The following RBFOX1 variants were observed in gnomAD, a reference collection of about 807,000 sequenced individuals.
The protein encoded by RBFOX1 is RNA binding fox-1 homolog 1, also known as RNA binding protein fox-1 homolog 1.
In RBFOX1, 8 loss-of-function variants were observed where a neutral mutation model predicts 57.7. That is an observed-to-expected ratio of 0.14 (90% CI 0.08 to 0.25). The LOEUF is 0.25. Ranked by LOEUF, RBFOX1 falls within the 10% of genes least tolerant of loss-of-function variation. The probability of loss-of-function intolerance (pLI) is 1.00; values close to 1 mark genes in which losing one functional copy is unlikely to be tolerated. For missense variants in RBFOX1, 611 were observed against 548.5 expected, an observed-to-expected ratio of 1.11 and a Z score of -1.14; for synonymous variants, 326 against 222.4, an observed-to-expected ratio of 1.47 and a Z score of -4.15.
chr16:7,089,844 G>A (rs1205981988), intron 4 of RBFOX1, among the ~76,000 whole-genome samples: 1 of 151,972 alleles, frequency 6.6e-6, no homozygotes. Flanking sequence ...TTGAAAAATG[G>A]GCACTACCTT....
chr16:6,279,917 G>A (rs570407430), intron 1 of RBFOX1, among the ~76,000 whole-genome samples: 2 of 151,948 alleles, frequency 1.3e-5, no homozygotes, highest in South Asian at 4.2e-4. Context: ...GATCTGGAAG[G>A]GAAAGTAAAT....
At chr16:6,192,259 T>C (rs1598239034) in intron 1 of RBFOX1, among the ~76,000 whole-genome samples, 1 of 152,284 alleles carries the variant, frequency 6.6e-6, no homozygotes, top group South Asian at 2.1e-4. Context: ...TACCCTATTA[T>C]CTGTAGGGTG....
chr16:6,455,173 G>A (rs9937654), intron 2 of RBFOX1, among the ~76,000 whole-genome samples: 121,036 of 151,598 alleles, frequency 0.8, 48,433 homozygotes, highest in Middle Eastern at 0.87. Flanking sequence ...GATTACAGGC[G>A]TGAGCCGCCA....
At chr16:5,690,477 C>T (rs1425254426) in intron 3 of RBFOX1, among the ~76,000 whole-genome samples, 2 of 152,154 alleles carry the variant, frequency 1.3e-5, no homozygotes, top group Non-Finnish European at 2.9e-5. Context: ...GGACAAAATA[C>T]TGCCCGTAAC....
chr16:6,757,003 C>G (rs2075898896), intron 3 of RBFOX1, among the ~76,000 whole-genome samples: 3 of 142,816 alleles, frequency 2.1e-5, no homozygotes, highest in Non-Finnish European at 3.0e-5. Context: ...AACAAACAAA[C>G]AAACAAACAA....
chr16:7,134,650 A>G (rs1226278288), intron 4 of RBFOX1, among the ~76,000 whole-genome samples: 4 of 152,208 alleles, frequency 2.6e-5, no homozygotes, highest in Admixed American at 6.5e-5. Context: ...GAAGAAAAGA[A>G]TTCCGTCAGC....
chr16:6,664,538 T>G (rs754900189), intron 3 of RBFOX1, among the ~76,000 whole-genome samples: 1 of 152,182 alleles, frequency 6.6e-6, no homozygotes, highest in Non-Finnish European at 1.5e-5. Flanking sequence ...GTAGATCTCA[T>G]TGTGTCCTTT....
chr16:7,000,089 G>T (rs923951441), intron 3 of RBFOX1, among the ~76,000 whole-genome samples: 3 of 128,376 alleles, frequency 2.3e-5, no homozygotes, highest in African/African-American at 8.4e-5. Flanking sequence ...AAAAAAAAAA[G>T]ATTATTTAAG....
At chr16:6,797,888 A>T (rs1482687151) in intron 3 of RBFOX1, among the ~76,000 whole-genome samples, 3 of 152,132 alleles carry the variant, frequency 2.0e-5, no homozygotes, top group African/African-American at 4.8e-5. Context: ...TAGCTAGCTG[A>T]CTTTTGGAAA....
At chr16:6,825,549 A>G (rs1019941398) in intron 3 of RBFOX1, among the ~76,000 whole-genome samples, 9 of 152,292 alleles carry the variant, frequency 5.9e-5, no homozygotes, top group African/African-American at 1.4e-4. Context: ...TTGAAGGTCC[A>G]GGTACCTACG....
intron 3 of RBFOX1, among the ~76,000 whole-genome samples, chr16:6,860,423 T>C (rs983058781): frequency 6.6e-6 from 1 of 152,220 alleles, no homozygotes; most frequent in Non-Finnish European, 1.5e-5. Context: ...CACTACACGT[T>C]GGCTAAGACG....
At chr16:6,439,435 G>A (rs1014298031) in intron 2 of RBFOX1, among the ~76,000 whole-genome samples, 4 of 152,162 alleles carry the variant, frequency 2.6e-5, no homozygotes, top group Non-Finnish European at 5.9e-5. Context: ...CTTAGCTCAG[G>A]CCTAGGTGAA....
At chr16:5,801,619 C>G (rs2055059406) in intron 3 of RBFOX1, among the ~76,000 whole-genome samples, 1 of 152,030 alleles carries the variant, frequency 6.6e-6, no homozygotes, top group Non-Finnish European at 1.5e-5. Context: ...ACTAGGCACA[C>G]ACAAAAAAAT....
chr16:6,894,635 C>G (rs919298429), intron 3 of RBFOX1, among the ~76,000 whole-genome samples: 7 of 152,166 alleles, frequency 4.6e-5, no homozygotes, highest in Non-Finnish European at 1.0e-4. Context: ...CTGACACTTT[C>G]TCTCACTTTA....
chr16:5,645,642 G>C (rs958841898), intron 3 of RBFOX1, among the ~76,000 whole-genome samples: 1 of 152,174 alleles, frequency 6.6e-6, no homozygotes, highest in Non-Finnish European at 1.5e-5. Flanking sequence ...GAAAGATTCT[G>C]TGTGTGCTTT....
chr16:5,767,322 T>C (rs962031946), intron 3 of RBFOX1, among the ~76,000 whole-genome samples: 1 of 152,240 alleles, frequency 6.6e-6, no homozygotes, highest in African/African-American at 2.4e-5. Flanking sequence ...ACGTTTCTCT[T>C]GGTCCATCTA....
chr16:7,424,397 A>G (rs1406658168), intron 4 of RBFOX1, among the ~76,000 whole-genome samples: 2 of 152,060 alleles, frequency 1.3e-5, no homozygotes, highest in African/African-American at 4.8e-5. Flanking sequence ...GTAGCTGGGA[A>G]TACAGAAGGG....
Position 5,784,304 on chromosome 16 carries a change from G to A in RBFOX1, c.319-82999G>A, listed in dbSNP as rs545018016. The stretch of plus-strand genomic sequence containing the variant: ...TAGCTGGGCGTGGTGGCTGGCGCCT[G>A]TAGTCCCAGCTACTTGGGAGGCTGA... On this transcript the variant is annotated intron_variant, in intron 3 of 19. Coordinates refer to the RBFOX1 transcript ENST00000641259. Among the ~76,000 whole-genome samples, 146 of 152,304 alleles carry A rather than the reference G, an allele frequency of 9.6e-4. 1 individual carries two copies. The highest frequency in any genetic ancestry group is 3.4e-3 in the African/African-American group (140 of 41,558).
intron 4 of RBFOX1, among the ~76,000 whole-genome samples, chr16:7,482,430 C>A (rs1372802219): frequency 6.6e-6 from 1 of 151,338 alleles, no homozygotes; most frequent in East Asian, 1.9e-4. Flanking sequence ...TCCTGAATTT[C>A]TCCTTATACC....
Sources: gnomAD v4.1 joint callset for allele counts (sites outside exome capture counted in the v4.1 genomes callset) on GRCh38, gnomAD v4.1.1 for gene constraint, MANE v1.5 for transcripts, NCBI Gene and HGNC (gene_info 2026-07-23, HGNC 2026-07-21) for gene names.